RNF150: variants seen among roughly 807,000 people sequenced by gnomAD.
RNF150 encodes ring finger protein 150.
Under a neutral mutation model 39.3 loss-of-function variants are expected in RNF150, and 24 were observed. The ratio of observed to expected loss-of-function variants is 0.61; its 90% CI spans 0.44 to 0.86. The LOEUF is 0.86. RNF150 is among the 40% of genes least tolerant of loss of function. The pLI is 0.00. For synonymous variants in RNF150, 255 were observed against 227.3 expected, an observed-to-expected ratio of 1.12 and a Z score of -1.10; for missense variants, 502 against 587.8, an observed-to-expected ratio of 0.85 and a Z score of 1.51.
chr4:140,893,768 C>T (rs1353247311), intron 6 of RNF150, among the ~76,000 whole-genome samples: 2 of 152,014 alleles, frequency 1.3e-5, no homozygotes, highest in African/African-American at 2.4e-5. Flanking sequence ...GAAAAGGTAT[C>T]GTTTAGAGTT....
chr4:141,078,875 A>G (rs1479435008), intron 1 of RNF150, among the ~76,000 whole-genome samples: 1 of 148,072 alleles, frequency 6.8e-6, no homozygotes, highest in Non-Finnish European at 1.5e-5. Context: ...ATATATACAC[A>G]CATATATACA....
At chr4:141,012,344 G>T (rs1735103724) in intron 1 of RNF150, among the ~76,000 whole-genome samples, 1 of 152,190 alleles carries the variant, frequency 6.6e-6, no homozygotes, top group African/African-American at 2.4e-5. Flanking sequence ...CAATTTCCTT[G>T]TCCCTACATG....
At chr4:141,067,411 C>A (rs1419060106) in intron 1 of RNF150, among the ~76,000 whole-genome samples, 2 of 152,214 alleles carry the variant, frequency 1.3e-5, no homozygotes, top group African/African-American at 4.8e-5. Context: ...TTAATTGTAG[C>A]TCCTGCAATG....
rs1560679005 is a variant in RNF150, at chr4:141,000,016, AGAAGAAG to A, written c.485-32150_485-32144del. 2.5e-4 allele frequency among the ~76,000 whole-genome samples: 10 copies of A among 39,942 alleles called. 2 individuals are homozygous for A. The highest frequency in any genetic ancestry group is 6.8e-4 in the African/African-American group (8 of 11,804). 26.2% of individuals were successfully genotyped at this position (39,942 alleles called of 152,430 possible). ...GAAAAGAAGAAGAAGAAGAAGAAGA[AGAAGAAG>A]AAGAAGAAGAAGAAGAAGAAGAAGA... On this transcript the variant is annotated intron_variant, in intron 1 of 6. Transcript: ENST00000515673.
chr4:141,209,219 A>T (rs1206194256), intron 1 of RNF150, among the ~76,000 whole-genome samples: 2 of 92,780 alleles, frequency 2.2e-5, no homozygotes, highest in Non-Finnish European at 5.1e-5. Flanking sequence ...TGGAGTTATA[A>T]TTAAAAGTTA....
intron 2 of RNF150, among the ~76,000 whole-genome samples, chr4:140,965,072 G>A (rs1285445164): frequency 6.6e-6 from 1 of 152,014 alleles, no homozygotes; most frequent in African/African-American, 2.4e-5. Context: ...ACAGATTAAA[G>A]ATTTAATGAG....
At chr4:141,093,365 CA>C (rs71584393) in intron 1 of RNF150, among the ~76,000 whole-genome samples, 109 of 80,042 alleles carry the variant, frequency 1.4e-3, no homozygotes, top group East Asian at 2.9e-3. Context: ...GACTCCATCT[CA>C]AAAAAAAAAA....
intron 1 of RNF150, among the ~76,000 whole-genome samples, chr4:141,084,017 T>C (rs1014966559): frequency 3.9e-5 from 6 of 152,226 alleles, no homozygotes; most frequent in African/African-American, 1.4e-4. Flanking sequence ...ATGTGGGTAA[T>C]ACTGTCCCTA....
At chr4:141,120,658 C>G (rs1442436152) in intron 1 of RNF150, among the ~76,000 whole-genome samples, 1 of 151,990 alleles carries the variant, frequency 6.6e-6, no homozygotes, top group Non-Finnish European at 1.5e-5. Flanking sequence ...TTCCAAAGGT[C>G]CTGGGCTGGG....
In RNF150 at chr4:141,132,246, C is replaced by A; in HGVS notation, c.484+79G>T. ...CGCCGCACGGACTTCCCAGAAGGAG[C>A]CTGGAGGCAGGCGCTGGATCCCTCT... On this transcript the variant is annotated intron_variant, in intron 1 of 6. Coordinates refer to ENST00000515673, the MANE Select transcript of RNF150 (RefSeq NM_020724.2). This position sits in a 1 kb window ranked among gnomAD's most constrained non-coding sequence, Gnocchi z 4.9. The A allele has an allele frequency of 5.5e-6, 8 of 1,448,366 alleles. No homozygotes were observed. Among genetic ancestry groups the A allele is most frequent in the South Asian group, 1.3e-5 (1 of 78,462 alleles). The allele number at this position is 1,448,366 out of a possible 1,614,324, so 89.7% of individuals were successfully genotyped here.
chr4:141,163,177 A>G (rs1243913130), intron 1 of RNF150, among the ~76,000 whole-genome samples: 1 of 152,144 alleles, frequency 6.6e-6, no homozygotes, highest in East Asian at 1.9e-4. Context: ...AGTGTAAACA[A>G]AGCCACCGGG....
intron 1 of RNF150, among the ~76,000 whole-genome samples, chr4:141,160,421 T>C (rs1199325837): frequency 6.6e-6 from 1 of 152,242 alleles, no homozygotes; most frequent in Non-Finnish European, 1.5e-5. Context: ...TCTAAATGTA[T>C]GTAACTTTGT....
At chr4:140,941,155 T>C (rs117079075) in intron 4 of RNF150, among the ~76,000 whole-genome samples, 2,883 of 152,286 alleles carry the variant, frequency 0.019, 27 homozygotes, top group East Asian at 0.045. Context: ...AGGCCACAAA[T>C]TTGGCTCTTA....
chr4:140,880,861 T>C (rs1334796233), intron 6 of RNF150, among the ~76,000 whole-genome samples: 2 of 152,126 alleles, frequency 1.3e-5, no homozygotes, highest in Non-Finnish European at 2.9e-5. Flanking sequence ...TTAGTTGTAA[T>C]GTCTCCTCTT....
At chr4:141,188,426 A>G (rs1044798453) in intron 1 of RNF150, among the ~76,000 whole-genome samples, 2 of 152,088 alleles carry the variant, frequency 1.3e-5, no homozygotes, top group African/African-American at 4.8e-5. Context: ...CTCCTGGATA[A>G]TATCCTGAAG....
chr4:140,898,696 G>GT (rs1269062776), intron 6 of RNF150, among the ~76,000 whole-genome samples: 1 of 152,206 alleles, frequency 6.6e-6, no homozygotes, highest in East Asian at 1.9e-4. Context: ...TTTTATCTCA[G>GT]TTTTTTAACA....
chr4:141,159,356 C>T (rs1271618880), intron 1 of RNF150, among the ~76,000 whole-genome samples: 3 of 152,036 alleles, frequency 2.0e-5, no homozygotes, highest in Non-Finnish European at 4.4e-5. Context: ...ATATAATTTT[C>T]ACATCATGAA....
At position 140,861,474 on chromosome 4, in the gene RNF150, G is replaced by A. The variant is rs1372971826; in HGVS notation, c.*6787C>T. On this transcript the variant is annotated 3_prime_UTR_variant, in exon 7 of 7. Transcript: ENST00000515673. ...GAAGAAATTGTATGATGAAAGGCAA[G>A]TAACTGGTTGTTGAATTCATGACCC... 1 of 152,204 alleles carries A rather than the reference G, an allele frequency of 6.6e-6. No individual in the cohort carries two copies. Among genetic ancestry groups the A allele is most frequent in the Non-Finnish European group, 1.5e-5 (1 of 68,040 alleles). The allele number at this position is 152,204 out of a possible 1,614,324, so 9.4% of individuals were successfully genotyped here.
intron 6 of RNF150, among the ~76,000 whole-genome samples, chr4:140,876,521 C>G (rs1415574953): frequency 6.6e-6 from 1 of 152,210 alleles, no homozygotes; most frequent in Non-Finnish European, 1.5e-5. Context: ...GGTCTCTGGA[C>G]CGCTTTCCTC....
Sources: allele counts gnomAD v4.1 joint callset (sites outside exome capture counted in the v4.1 genomes callset), GRCh38; gene constraint gnomAD v4.1.1; non-coding constraint Gnocchi (gnomAD v3.1); transcripts MANE v1.5; gene names NCBI Gene and HGNC (gene_info 2026-07-23, HGNC 2026-07-21).